ABHD18: variants seen among roughly 807,000 people sequenced by gnomAD.
The protein encoded by ABHD18 is cardiolipin-specific deacylase, mitochondrial.
Under a neutral mutation model 65.9 loss-of-function variants are expected in ABHD18, and 55 were observed. The observed-to-expected ratio is 0.84, with a 90% CI of 0.67 to 1.05. The LOEUF is 1.05. Among genes scored for constraint, ABHD18 ranks in the 50% least tolerant of loss-of-function variants. ABHD18 has a pLI of 0.00. For missense variants in ABHD18, 533 were observed against 558.5 expected (o/e 0.95, Z 0.46); for synonymous variants, 181 against 180.2 (o/e 1.00, Z -0.04).
At chr4:127,969,441 C>A (rs1432237144) in intron 1 of ABHD18, among the ~76,000 whole-genome samples, 1 of 151,946 alleles carries the variant, frequency 6.6e-6, no homozygotes, top group South Asian at 2.1e-4. Context: ...TCAGGTGATC[C>A]GCCTGCCTCA....
At chr4:128,017,342 T>C (rs761463397) in intron 7 of ABHD18, 21 bp from the exon 8 acceptor site, 12 of 1,604,510 alleles carry the variant, frequency 7.5e-6, no homozygotes, top group Non-Finnish European at 1.0e-5. Context: ...AATCATTTTC[T>C]ATTTTGTTTT....
chr4:127,967,959 C>T (rs1172354155), intron 1 of ABHD18, among the ~76,000 whole-genome samples: 6 of 152,132 alleles, frequency 3.9e-5, no homozygotes, highest in Non-Finnish European at 2.9e-5. Flanking sequence ...CGGTGGCTCA[C>T]GCTTGTAATC....
chr4:128,003,778 C>G (rs1753092216), intron 4 of ABHD18, among the ~76,000 whole-genome samples: 1 of 151,804 alleles, frequency 6.6e-6, no homozygotes, highest in African/African-American at 2.4e-5. Flanking sequence ...ACAGCAGTCT[C>G]TACTGAAAAT....
At chr4:127,983,579 A>C (rs922312506) in intron 2 of ABHD18, among the ~76,000 whole-genome samples, 2 of 151,988 alleles carry the variant, frequency 1.3e-5, no homozygotes, top group South Asian at 2.1e-4. Flanking sequence ...AAACATAAAA[A>C]AATTGGCTGG....
At position 128,036,169 on chromosome 4, in the gene ABHD18, G is replaced by A. The variant is rs1758867410; in HGVS notation, c.*356G>A. 1 of 158,342 alleles carries A rather than the reference G, an allele frequency of 6.3e-6. No homozygotes were observed. Among genetic ancestry groups the A allele is most frequent in the South Asian group, 2.1e-4 (1 of 4,876 alleles). 9.8% of individuals were successfully genotyped at this position (158,342 alleles called of 1,614,324 possible). A position where few individuals can be genotyped will look rare whatever the true frequency, so the allele number is the denominator to read the frequency against. ...AACTTTTCTGGGTTTTAGTAAAATT[G>A]CTAAATCAAACCAAGATTTTAATAT... On this transcript the variant is annotated 3_prime_UTR_variant, in exon 13 of 13. Coordinates refer to ENST00000645843, the MANE Select transcript of ABHD18 (RefSeq NM_001358451.3).
chr4:127,978,040 C>T (rs1748300991), intron 1 of ABHD18, among the ~76,000 whole-genome samples: 1 of 151,916 alleles, frequency 6.6e-6, no homozygotes, highest in South Asian at 2.1e-4. Flanking sequence ...AATTACATTG[C>T]CAGTGGTGTA....
intron 7 of ABHD18, 75 bp downstream of exon 7, chr4:128,011,775 A>G: frequency 9.8e-7 from 1 of 1,018,446 alleles, no homozygotes; most frequent in East Asian, 3.7e-5. Flanking sequence ...GGTTGCCTTC[A>G]GTTAACCATT....
Position 128,035,891 on chromosome 4 carries a change from C to A in ABHD18, c.*78C>A. Reference sequence around the variant, plus strand: ...CTTCATCCTGTGATCATGTGAAGGACAAGCAGACAGCACTAATATATCTAA... The same window carrying A: ...CTTCATCCTGTGATCATGTGAAGGAAAAGCAGACAGCACTAATATATCTAA... On this transcript the variant is annotated 3_prime_UTR_variant, in exon 13 of 13. Coordinates refer to ENST00000645843, the MANE Select transcript of ABHD18 (RefSeq NM_001358451.3). The A allele has an allele frequency of 1.2e-6, 1 of 837,272 alleles. No individual in the cohort carries two copies. The highest frequency in any genetic ancestry group is 1.8e-6 in the Non-Finnish European group (1 of 541,970). The allele number at this position is 837,272 out of a possible 1,614,324, so 51.9% of individuals were successfully genotyped here.
At position 127,996,153 on chromosome 4, in the gene ABHD18, C is replaced by T. The variant is rs1343694192; in HGVS notation, c.278+6332C>T. ...CATGTGCTGGAAAACCAGTATTTAG[C>T]TAAAATCTTTTATAAAACTAATGTG... On this transcript the variant is annotated intron_variant, in intron 4 of 12. Coordinates refer to ENST00000645843, the MANE Select transcript of ABHD18 (RefSeq NM_001358451.3). Among the ~76,000 whole-genome samples the T allele has an allele frequency of 4.6e-5, 7 of 152,316 alleles. No individual in the cohort carries two copies. The South Asian group carries it at 1.5e-3, about 32-fold the overall frequency.
rs1758893643 is a variant in ABHD18, at chr4:128,036,503, G to C, written c.*690G>C. 6.6e-6 allele frequency: 1 copy of C among 151,882 alleles called. No individual in the cohort carries two copies. The highest frequency in any genetic ancestry group is 6.6e-5 in the Admixed American group (1 of 15,226). 9.4% of individuals were successfully genotyped at this position (151,882 alleles called of 1,614,324 possible). ...ATCCCAGCACTGGGATGCTGAAGCG[G>C]GCAGATTACCTGAGGTTGGGAGTTC... On this transcript the variant is annotated 3_prime_UTR_variant, in exon 13 of 13. Coordinates refer to ENST00000645843, the MANE Select transcript of ABHD18 (RefSeq NM_001358451.3).
In ABHD18 at chr4:128,037,398, T is replaced by C. The variant is rs1290806966; in HGVS notation, c.*1585T>C. 6.6e-6 allele frequency: 1 copy of C among 152,094 alleles called. No individual in the cohort carries two copies. The highest frequency in any genetic ancestry group is 6.6e-5 in the Admixed American group (1 of 15,252). 9.4% of individuals were successfully genotyped at this position (152,094 alleles called of 1,614,324 possible). A position where few individuals can be genotyped will look rare whatever the true frequency, so the allele number is the denominator to read the frequency against. On this transcript the variant is annotated 3_prime_UTR_variant, in exon 13 of 13. Transcript: ENST00000645843. ...TGTTGCATTAACTGACGGAGTGCAG[T>C]GGCATGATCTTGGCTCACTGCGACC...
At position 128,030,576 on chromosome 4, in the gene ABHD18, G is replaced by C; in HGVS notation, c.1247G>C (p.Gly416Ala). ...AKEDAYIPRT[G>A]VRSLQEIWPG... is the part of the protein sequence containing the mutation. ...GAAGATGCCTATATTCCACGAACAGGAGTTCGAAGTTTACAAGAAATTTGG... is the reference window on the plus strand; with the variant it reads ...GAAGATGCCTATATTCCACGAACAGCAGTTCGAAGTTTACAAGAAATTTGG... Residue 416 changes from glycine to alanine, a missense_variant, in exon 12 of 13, where the codon GGA becomes GCA. By Grantham distance (60) the Gly-to-Ala change is moderately conservative (BLOSUM62 0). Coordinates refer to ENST00000645843, the MANE Select transcript of ABHD18 (RefSeq NM_001358451.3). 1 of 1,608,828 alleles carries C rather than the reference G, an allele frequency of 6.2e-7. No individual in the cohort carries two copies. The highest frequency in any genetic ancestry group is 8.5e-7 in the Non-Finnish European group (1 of 1,179,112).
chr4:128,034,200 G>A lies in ABHD18; in HGVS notation c.1344-1562G>A, dbSNP rs183025367. On this transcript the variant is annotated intron_variant, in intron 12 of 12. Coordinates refer to ENST00000645843, the MANE Select transcript of ABHD18 (RefSeq NM_001358451.3). ...TCTCGAACTCCTGACCTTGTGATCC[G>A]CCCTCCTTGGCCTTCCAAAGTGCTG... is the stretch of plus-strand genomic sequence containing the variant. Among the ~76,000 whole-genome samples the A allele has an allele frequency of 1.5e-4, 23 of 151,940 alleles. No homozygotes were observed. In the East Asian group the frequency reaches 3.9e-3, roughly 26 times the overall value.
chr4:128,014,809 T>G (rs1318790559), intron 7 of ABHD18, among the ~76,000 whole-genome samples: 1 of 151,688 alleles, frequency 6.6e-6, no homozygotes. Context: ...CCAGGTGCAG[T>G]GGCTCACGCC....
intron 4 of ABHD18, among the ~76,000 whole-genome samples, chr4:128,004,174 G>A (rs1560879159): frequency 6.6e-6 from 1 of 151,806 alleles, no homozygotes; most frequent in Non-Finnish European, 1.5e-5. Context: ...AGGCTCAGCC[G>A]GGCACAGTGG....
chr4:127,975,407 G>A (rs964858268), intron 1 of ABHD18, among the ~76,000 whole-genome samples: 2 of 152,090 alleles, frequency 1.3e-5, no homozygotes, highest in African/African-American at 4.8e-5. Flanking sequence ...TACAATATTT[G>A]TCTTTTTGTG....
intron 4 of ABHD18, chr4:128,001,832 T>C: frequency 7.3e-7 from 1 of 1,362,466 alleles, no homozygotes; most frequent in South Asian, 1.5e-5. Flanking sequence ...AGATGTTGAG[T>C]TTTGTTTTGT....
chr4:128,025,416 G>A (rs1757197233), intron 10 of ABHD18, among the ~76,000 whole-genome samples: 1 of 152,094 alleles, frequency 6.6e-6, no homozygotes, highest in South Asian at 2.1e-4. Flanking sequence ...GGGATTACAG[G>A]TATGAGCCAC....
In ABHD18 at chr4:127,976,995, C is replaced by T. The variant is rs1175085680; in HGVS notation, c.-17-5944C>T. Reference sequence around the variant, plus strand: ...GGCAGAGCTTGCAGTGAGCCAAGATCGTGCTACTGCACTCCAGCCTGGGCG... The same window carrying T: ...GGCAGAGCTTGCAGTGAGCCAAGATTGTGCTACTGCACTCCAGCCTGGGCG... On this transcript the variant is annotated intron_variant, in intron 1 of 12. Coordinates refer to ENST00000645843, the MANE Select transcript of ABHD18 (RefSeq NM_001358451.3). Among the ~76,000 whole-genome samples, 6 of 151,666 alleles carry T rather than the reference C, an allele frequency of 4.0e-5. No individual in the cohort carries two copies. The East Asian group carries it at 7.8e-4, about 20-fold the overall frequency.
Sources: allele counts gnomAD v4.1 joint callset (sites outside exome capture counted in the v4.1 genomes callset), GRCh38; gene constraint gnomAD v4.1.1; transcripts MANE v1.5; gene names NCBI Gene and HGNC (gene_info 2026-07-23, HGNC 2026-07-21).